The following NOX4 variants were observed in gnomAD, a reference collection of about 807,000 sequenced individuals.
The protein encoded by NOX4 is kidney oxidase-1.
In NOX4, 69 loss-of-function variants were observed where a neutral mutation model predicts 87.6. The ratio of observed to expected loss-of-function variants is 0.79; its 90% CI spans 0.65 to 0.96. NOX4 has a LOEUF of 0.96. NOX4 is among the 40% of genes least tolerant of loss of function. The pLI is 0.00. For missense variants in NOX4, 680 were observed against 681.5 expected, an observed-to-expected ratio of 1.00 and a Z score of 0.02; for synonymous variants, 275 against 238.2, an observed-to-expected ratio of 1.15 and a Z score of -1.42.
Position 89,403,467 on chromosome 11 carries a change from G to A in NOX4, c.630-925C>T, listed in dbSNP as rs935451713. The stretch of plus-strand genomic sequence containing the variant: ...TGTTTTTGGTTGGTTTACAGTACAT[G>A]CTTTTTAAATTATCTTTCATGCTCT... On this transcript the variant is annotated intron_variant, in intron 8 of 17. Transcript: ENST00000263317. Among the ~76,000 whole-genome samples the A allele has an allele frequency of 5.3e-5, 8 of 152,276 alleles. No individual in the cohort carries two copies. In the East Asian group the frequency reaches 5.8e-4, roughly 11 times the overall value.
the NOX4 span, among the ~76,000 whole-genome samples, chr11:89,526,189 A>G: frequency 4.4e-4 from 67 of 152,196 alleles, no homozygotes; most frequent in Non-Finnish European, 9.3e-4. Context: ...TCATTTGAAC[A>G]TTCATATACA....
At chr11:89,574,184 T>C in the NOX4 span, among the ~76,000 whole-genome samples, 60 of 152,154 alleles carry the variant, frequency 3.9e-4, no homozygotes, top group Non-Finnish European at 7.9e-4. Context: ...TGGGTAGGGG[T>C]GAACAGCCCT....
chr11:89,506,211 AAGAAAGAAAGAG>A, the NOX4 span, among the ~76,000 whole-genome samples: 2 of 121,228 alleles, frequency 1.6e-5, no homozygotes, highest in Non-Finnish European at 3.5e-5. Flanking sequence ...CATTTGTAGA[AAGAAAGAAAGAG>A]AGAAAGAAAG....
At chr11:89,584,050 C>A in the NOX4 span, among the ~76,000 whole-genome samples, 2 of 152,120 alleles carry the variant, frequency 1.3e-5, no homozygotes, top group Non-Finnish European at 2.9e-5. Flanking sequence ...ACTATCGTAA[C>A]AGTAAGGCAA....
At chr11:89,494,058 C>A (rs1946921227), upstream of NOX4, among the ~76,000 whole-genome samples, 1 of 152,088 alleles carries the variant, frequency 6.6e-6, no homozygotes, top group Admixed American at 6.6e-5. Context: ...CCTGGCCAAC[C>A]AGATTGTTTA....
chr11:89,422,712 A>T (rs1943145439), intron 7 of NOX4, among the ~76,000 whole-genome samples: 5 of 152,076 alleles, frequency 3.3e-5, no homozygotes, highest in Admixed American at 3.3e-4. Context: ...GCAGCAAGCA[A>T]TTGCTTTACA....
At chr11:89,574,840 T>A in the NOX4 span, among the ~76,000 whole-genome samples, 7 of 152,232 alleles carry the variant, frequency 4.6e-5, no homozygotes, top group African/African-American at 1.7e-4. Flanking sequence ...CCTATGGCTG[T>A]GTTTTAATAA....
intron 12 of NOX4, among the ~76,000 whole-genome samples, chr11:89,365,893 C>A (rs1938945316): frequency 6.6e-6 from 1 of 151,806 alleles, no homozygotes; most frequent in African/African-American, 2.4e-5. Context: ...TGTAGTGAGT[C>A]TTCTCTGTTC....
the NOX4 span, among the ~76,000 whole-genome samples, chr11:89,513,225 C>A: frequency 6.6e-6 from 1 of 151,762 alleles, no homozygotes; most frequent in Non-Finnish European, 1.5e-5. Flanking sequence ...GAAGCTGAGG[C>A]AGGAGAACTG....
chr11:89,521,534 G>A, the NOX4 span, among the ~76,000 whole-genome samples: 5 of 151,848 alleles, frequency 3.3e-5, no homozygotes, highest in African/African-American at 1.2e-4. Context: ...ATTAATTCAA[G>A]ATGGACTAAA....
rs527647271 is a variant in NOX4 at position 89,429,183 on chromosome 11, C to A, written c.548+3601G>T. 1.4e-4 allele frequency among the ~76,000 whole-genome samples: 22 copies of A among 152,178 alleles called. No individual in the cohort carries two copies. The South Asian group carries it at 4.1e-3, about 29-fold the overall frequency. ...CAATGAGAAAAAAGACACAACATACCAGAATCTCTGGGACACATTTAAAGC... is the reference window on the plus strand; with the variant it reads ...CAATGAGAAAAAAGACACAACATACAAGAATCTCTGGGACACATTTAAAGC... On this transcript the variant is annotated intron_variant, in intron 7 of 17. Transcript: ENST00000263317.
chr11:89,403,519 T>G (rs1941993382), intron 8 of NOX4, among the ~76,000 whole-genome samples: 1 of 152,092 alleles, frequency 6.6e-6, no homozygotes, highest in Admixed American at 6.6e-5. Context: ...GTAGTTTAAT[T>G]GCCTGAGGTC....
At chr11:89,335,214 A>C (rs1171176620) in intron 17 of NOX4, among the ~76,000 whole-genome samples, 4 of 151,768 alleles carry the variant, frequency 2.6e-5, no homozygotes, top group Admixed American at 2.0e-4. Context: ...CACTATGATA[A>C]ATTTACAAAA....
rs1434537194 is a variant in NOX4, at chr11:89,465,900, C to A, written c.154-14005G>T. On this transcript the variant is annotated intron_variant, in intron 2 of 17. Transcript: ENST00000263317. ...AGCCCTTTGTCAGATGGATAGACTG[C>A]AAAAATTTTCTCCCATTCTGTAGGT... Among the ~76,000 whole-genome samples the A allele has an allele frequency of 2.6e-5, 4 of 151,942 alleles. No individual in the cohort carries two copies. The South Asian group carries it at 8.3e-4, about 32-fold the overall frequency.
chr11:89,362,406 C>T (rs1229678976), intron 12 of NOX4, among the ~76,000 whole-genome samples: 2 of 152,078 alleles, frequency 1.3e-5, no homozygotes, highest in Admixed American at 6.6e-5. Context: ...CAGGCGGTCA[C>T]TGTCAATCCA....
the NOX4 span, among the ~76,000 whole-genome samples, chr11:89,534,728 T>C: frequency 6.6e-6 from 1 of 152,204 alleles, no homozygotes; most frequent in African/African-American, 2.4e-5. Flanking sequence ...CCCAGTAGAC[T>C]GGACTGCCCT....
At chr11:89,374,227 A>C (rs941852980) in intron 11 of NOX4, among the ~76,000 whole-genome samples, 10 of 152,284 alleles carry the variant, frequency 6.6e-5, no homozygotes, top group African/African-American at 2.4e-4. Context: ...TGGTTTTTTC[A>C]TAACTCATTT....
At chr11:89,518,885 TC>T in the NOX4 span, among the ~76,000 whole-genome samples, 1 of 149,774 alleles carries the variant, frequency 6.7e-6, no homozygotes, top group Admixed American at 6.8e-5. Flanking sequence ...CATTTAAAGA[TC>T]TATCTGTGAT....
Position 89,361,504 on chromosome 11 carries a change from A to C in NOX4, c.1136-6461T>G, listed in dbSNP as rs562640862. Among the ~76,000 whole-genome samples, 24 of 152,230 alleles carry C rather than the reference A, an allele frequency of 1.6e-4. No homozygotes were observed. In the East Asian group the frequency reaches 4.5e-3, roughly 28 times the overall value. On this transcript the variant is annotated intron_variant, in intron 12 of 17. Coordinates refer to ENST00000263317, the MANE Select transcript of NOX4 (RefSeq NM_016931.5). ...GGATAAAAAACTACATATTGGGTAC[A>C]GTGTACATTGCTTGGGTGATGGGTG... is the stretch of plus-strand genomic sequence containing the variant.
Sources: gnomAD v4.1 joint callset for allele counts (sites outside exome capture counted in the v4.1 genomes callset) on GRCh38, gnomAD v4.1.1 for gene constraint, MANE v1.5 for transcripts, NCBI Gene and HGNC (gene_info 2026-07-23, HGNC 2026-07-21) for gene names.